Variants in ARHGEF10 observed in about 807,000 individuals in gnomAD.
ARHGEF10 encodes Rho guanine nucleotide exchange factor 10, also known as Rho guanine nucleotide exchange factor (GEF) 10.
ARHGEF10 carries 140 observed loss-of-function variants against 147.4 expected under a neutral mutation model. The ratio of observed to expected loss-of-function variants is 0.95; its 90% CI spans 0.83 to 1.09. The LOEUF (loss-of-function observed/expected upper bound fraction) is 1.09, where lower values mean the gene tolerates loss of function less well. Among genes scored for constraint, ARHGEF10 ranks in the 50% least tolerant of loss-of-function variants. The pLI is 0.00. For synonymous variants in ARHGEF10, 902 were observed against 695.8 expected (o/e 1.30, Z -4.67); for missense variants, 2,222 against 1,752.7 (o/e 1.27, Z -4.78).
Position 1,909,300 on chromosome 8 carries a change from C to A in ARHGEF10, c.1973C>A (p.Ser658Tyr), listed in dbSNP as rs766021115. 1.2e-6 allele frequency: 2 copies of A among 1,614,238 alleles called. No homozygotes were observed. Among genetic ancestry groups the A allele is most frequent in the Non-Finnish European group, 1.7e-6 (2 of 1,180,044 alleles). ...LMCATVSSRP[S>Y]HDSRVMSSQR... ...GGATCTTTTGGTCGTTTCAGCCCCT[C>A]TCATGACAGCCGTGTGATGAGCAGC... is the stretch of plus-strand genomic sequence containing the variant. The change falls in exon 18 of 29, where the codon TCT becomes TAT. Residue 658 changes from serine (S) to tyrosine (Y), a missense_variant. Ser to Tyr is a moderately radical substitution (Grantham distance 144, BLOSUM62 -2). Coordinates refer to ENST00000349830, the MANE Select transcript of ARHGEF10 (RefSeq NM_014629.4).
At chr8:1,908,879 C>T (rs1811127647) in intron 17 of ARHGEF10, among the ~76,000 whole-genome samples, 1 of 152,082 alleles carries the variant, frequency 6.6e-6, no homozygotes, top group Non-Finnish European at 1.5e-5. Context: ...AAAGTGGTTA[C>T]AGTGTAGCCA....
intron 1 of ARHGEF10, among the ~76,000 whole-genome samples, chr8:1,836,207 C>A (rs1393400312): frequency 6.6e-6 from 1 of 150,498 alleles, no homozygotes; most frequent in Non-Finnish European, 1.5e-5. Flanking sequence ...AAAAAAAAAA[C>A]ACAATCCAAA....
intron 1 of ARHGEF10, among the ~76,000 whole-genome samples, chr8:1,833,065 GA>G (rs1563149508): frequency 2.8e-5 from 3 of 106,236 alleles, no homozygotes; most frequent in African/African-American, 1.1e-4. Context: ...GAGAGAGACA[GA>G]GACAGAGGCA....
chr8:1,882,500 C>T, intron 9 of ARHGEF10, 135 bp from the exon 10 acceptor site: 1 of 791,928 alleles, frequency 1.3e-6, no homozygotes, highest in Non-Finnish European at 2.2e-6. Context: ...AAAACAAAAC[C>T]TAGCCCAGAA....
chr8:1,825,555 A>G (rs1221976805), intron 1 of ARHGEF10, among the ~76,000 whole-genome samples: 1 of 148,174 alleles, frequency 6.7e-6, no homozygotes, highest in East Asian at 2.0e-4. Context: ...CCAAGAAGCC[A>G]AGGTAGATTC....
chr8:1,889,365 GGTGAGGGGT>G lies in ARHGEF10; in HGVS notation c.1182+3659_1182+3667del, dbSNP rs1809177547. The stretch of plus-strand genomic sequence containing the variant: ...AGAGTTGTGAGGAGACACTGAGTGG[GGTGAGGGGT>G]ATGTGAGGAGACAGTGATGTGAGGC... On this transcript the variant is annotated intron_variant, in intron 11 of 28. Coordinates refer to ENST00000349830, the MANE Select transcript of ARHGEF10 (RefSeq NM_014629.4). Among the ~76,000 whole-genome samples the G allele has an allele frequency of 1.8e-5, 2 of 109,126 alleles. 1 individual carries two copies. The highest frequency in any genetic ancestry group is 7.6e-5 in the African/African-American group (2 of 26,192). 71.6% of individuals were successfully genotyped at this position (109,126 alleles called of 152,430 possible).
intron 15 of ARHGEF10, among the ~76,000 whole-genome samples, chr8:1,899,143 C>A (rs7004829): frequency 6.6e-6 from 1 of 152,200 alleles, no homozygotes; most frequent in African/African-American, 2.4e-5. Context: ...GCTGACGTGA[C>A]GTCTCACAGC....
intron 22 of ARHGEF10, among the ~76,000 whole-genome samples, chr8:1,925,668 TGTTA>T (rs1812636292): frequency 6.6e-6 from 1 of 152,176 alleles, no homozygotes; most frequent in Admixed American, 6.5e-5. Context: ...CCTGAGGCCT[TGTTA>T]GTTAAAGAGG....
chr8:1,864,244 TCACC>T, intron 4 of ARHGEF10, 125 bp from the exon 5 acceptor site: 1 of 904,902 alleles, frequency 1.1e-6, no homozygotes, highest in Non-Finnish European at 1.8e-6. Flanking sequence ...AGTTTATTAA[TCACC>T]CTTATGCTAA....
chr8:1,925,329 T>C lies in ARHGEF10; in HGVS notation c.2535T>C (p.Asn845=), dbSNP rs1189758799. The C allele has an allele frequency of 6.2e-7, 1 of 1,613,978 alleles. No individual in the cohort carries two copies. Among genetic ancestry groups the C allele is most frequent in the Admixed American group, 1.7e-5 (1 of 60,004 alleles). ...GGTTCTGTGTGGAAGACGATGGGAA[T>C]CACATTAAAAAGGAGAAGCATCCTC... ...MGWFCVEDDG[N]HIKKEKHPLL... is the part of the protein sequence containing the mutation. The change falls in exon 22 of 29, where the codon AAT becomes AAC. Residue 845 remains asparagine (N), a synonymous_variant. Transcript: ENST00000349830.
chr8:1,912,194 G>A (rs1811410266), intron 18 of ARHGEF10, among the ~76,000 whole-genome samples: 1 of 151,864 alleles, frequency 6.6e-6, no homozygotes, highest in South Asian at 2.1e-4. Context: ...TGTTTGCCGT[G>A]TGGTGTTAGA....
chr8:1,876,798 A>G (rs1807749186), intron 8 of ARHGEF10, 64 bp downstream of exon 8: 1 of 1,562,986 alleles, frequency 6.4e-7, no homozygotes, highest in Non-Finnish European at 8.8e-7. Context: ...GGGGCTGTGA[A>G]TATGATTGTG....
intron 23 of ARHGEF10, chr8:1,927,239 A>G (rs17064392): frequency 0.074 from 11,278 of 152,934 alleles, 624 homozygotes; most frequent in Admixed American, 0.19. Flanking sequence ...CCGTCCAGGT[A>G]GGCAGACCTG....
At chr8:1,889,427 AGGGGTCTGTGAGGAGACACTGAGTGGGG>A (rs1809190617) in intron 11 of ARHGEF10, among the ~76,000 whole-genome samples, 1 of 46,384 alleles carries the variant, frequency 2.2e-5, no homozygotes, top group Admixed American at 2.4e-4. Context: ...GAGTGGGGTG[AGGGGTCTGTGAGGAGACACTGAGTGGGG>A]TGAGGGGTCT....
Position 1,843,395 on chromosome 8 carries a change from G to A in ARHGEF10, c.-5G>A. On this transcript the variant is annotated 5_prime_UTR_variant, in exon 2 of 29. Transcript: ENST00000349830. The stretch of plus-strand genomic sequence containing the variant: ...AGAGCTGAGAGAGGCATCTGGAGCT[G>A]CAGCATGGACCAGCGAGAGCCCCTG... The A allele has an allele frequency of 1.2e-6, 2 of 1,613,194 alleles. No individual in the cohort carries two copies. The highest frequency in any genetic ancestry group is 8.5e-7 in the Non-Finnish European group (1 of 1,179,992).
At chr8:1,879,994 C>T in intron 8 of ARHGEF10, 54 bp from the exon 9 acceptor site, 1 of 1,301,462 alleles carries the variant, frequency 7.7e-7, no homozygotes. Context: ...AAAATTGTCC[C>T]AAAGAACCAA....
rs921230299 is a variant in ARHGEF10, at chr8:1,917,853, C to T, written c.2144-5111C>T. Among the ~76,000 whole-genome samples the T allele has an allele frequency of 6.6e-5, 10 of 152,230 alleles. No individual in the cohort carries two copies. In the East Asian group the frequency reaches 1.5e-3, roughly 24 times the overall value. On this transcript the variant is annotated intron_variant, in intron 18 of 28. Transcript: ENST00000349830. The stretch of plus-strand genomic sequence containing the variant: ...GCAATGGCGTGATCTTGGCTCACTG[C>T]AACCTCCACCTCCTGGGTTCAGGTG...
At chr8:1,889,816 G>GGGTTTGTGAGAAGACACTAGGTGGGGTGA (rs1272523238) in intron 11 of ARHGEF10, among the ~76,000 whole-genome samples, 1 of 138,330 alleles carries the variant, frequency 7.2e-6, no homozygotes, top group African/African-American at 3.0e-5. Flanking sequence ...CATGGGAGGA[G>GGGTTTGTGAGAAGACACTAGGTGGGGTGA]GGTTTGTGAG....
chr8:1,941,040 G>A (rs1238395718), intron 26 of ARHGEF10, among the ~76,000 whole-genome samples: 1 of 152,148 alleles, frequency 6.6e-6, no homozygotes, highest in East Asian at 1.9e-4. Context: ...AAGAAGAAAA[G>A]TTTTCCCCTG....
Sources: allele counts gnomAD v4.1 joint callset (sites outside exome capture counted in the v4.1 genomes callset), GRCh38; gene constraint gnomAD v4.1.1; transcripts MANE v1.5; gene names NCBI Gene and HGNC (gene_info 2026-07-23, HGNC 2026-07-21).